ACAT1: variants seen among roughly 807,000 people sequenced by gnomAD.
ACAT1 encodes acetyl-CoA acetyltransferase, mitochondrial.
In ACAT1, 28 loss-of-function variants were observed where a neutral mutation model predicts 47.3. The observed-to-expected ratio is 0.59, with a 90% CI of 0.44 to 0.81. ACAT1 has a LOEUF of 0.81. Among genes scored for constraint, ACAT1 ranks in the 30% least tolerant of loss-of-function variants. ACAT1 has a pLI of 0.00. For synonymous variants in ACAT1, 181 were observed against 173.6 expected (o/e 1.04, Z -0.34); for missense variants, 469 against 524.3 (o/e 0.89, Z 1.03).
rs1442033328 is a variant in ACAT1, at chr11:108,131,939, A to G, written c.105A>G (p.Ser35=). ...GATATGTGGAACGGAGTTATGTATCAAAACCCACTTTGAAGGTAAGTAATT... is the reference window on the plus strand; with the variant it reads ...GATATGTGGAACGGAGTTATGTATCGAAACCCACTTTGAAGGTAAGTAATT... ...EIRYVERSYV[S]KPTLKEVVIV... Residue 35 remains serine, a synonymous_variant, in exon 2 of 12, where the codon TCA becomes TCG. Coordinates refer to ENST00000265838, the MANE Select transcript of ACAT1 (RefSeq NM_000019.4). The G allele has an allele frequency of 6.0e-6, 9 of 1,506,044 alleles. No homozygotes were observed. Among genetic ancestry groups the G allele is most frequent in the Non-Finnish European group, 7.4e-6 (8 of 1,087,670 alleles). 93.3% of individuals were successfully genotyped at this position (1,506,044 alleles called of 1,614,324 possible).
chr11:108,118,102 A>G (rs1325290672), upstream of ACAT1, among the ~76,000 whole-genome samples: 1 of 152,166 alleles, frequency 6.6e-6, no homozygotes, highest in African/African-American at 2.4e-5. Context: ...CCACAAATTC[A>G]GATATGCAAA....
At chr11:108,129,385 T>C (rs2077313917) in intron 1 of ACAT1, among the ~76,000 whole-genome samples, 2 of 152,298 alleles carry the variant, frequency 1.3e-5, no homozygotes, top group Middle Eastern at 3.4e-3. Context: ...ACTTTTTTTT[T>C]TGAGATGGAG....
At chr11:108,121,342 C>T, upstream of ACAT1, 1 of 571,464 alleles carries the variant, frequency 1.7e-6, no homozygotes, top group Non-Finnish European at 3.1e-6. Context: ...GACACGGGAG[C>T]CAGCAGCGTG....
intron 10 of ACAT1, among the ~76,000 whole-genome samples, chr11:108,144,939 T>C (rs2077674323): frequency 6.6e-6 from 1 of 152,236 alleles, no homozygotes; most frequent in South Asian, 2.1e-4. Flanking sequence ...GTACCATATT[T>C]TGTTTTGTGT....
At chr11:108,130,937 A>T (rs2077344886) in intron 1 of ACAT1, among the ~76,000 whole-genome samples, 1 of 151,968 alleles carries the variant, frequency 6.6e-6, no homozygotes, top group Non-Finnish European at 1.5e-5. Context: ...TTTAGTAGAG[A>T]CGGGGTTTTT....
intron 1 of ACAT1, among the ~76,000 whole-genome samples, chr11:108,130,862 G>A (rs1222862068): frequency 2.0e-5 from 3 of 152,180 alleles, no homozygotes; most frequent in Non-Finnish European, 4.4e-5. Flanking sequence ...CAATTCTTCT[G>A]CCTCATCCTC....
intron 5 of ACAT1, chr11:108,136,699 AATG>A (rs2077475502): frequency 6.6e-6 from 1 of 152,228 alleles, no homozygotes; most frequent in African/African-American, 2.4e-5. Context: ...TTTACTTTAT[AATG>A]AAGAATTGAT....
intron 11 of ACAT1, 38 bp from the exon 12 acceptor site, chr11:108,147,232 G>C (rs779451387): frequency 4.3e-6 from 7 of 1,610,034 alleles, no homozygotes; most frequent in Non-Finnish European, 5.1e-6. Context: ...CATAAATTCT[G>C]TACTTCATTA....
chr11:108,119,882 C>A (rs761341999), upstream of ACAT1, among the ~76,000 whole-genome samples: 1 of 152,002 alleles, frequency 6.6e-6, no homozygotes, highest in Non-Finnish European at 1.5e-5. Flanking sequence ...AAGGGACAAA[C>A]CTGGAGTGAT....
At chr11:108,145,617 TA>T (rs1176995248) in intron 10 of ACAT1, among the ~76,000 whole-genome samples, 1 of 152,162 alleles carries the variant, frequency 6.6e-6, no homozygotes, top group East Asian at 1.9e-4. Flanking sequence ...TATAAAGCAT[TA>T]TGTGCCCCTA....
chr11:108,144,679 C>G (rs1460930836), intron 10 of ACAT1, among the ~76,000 whole-genome samples: 1 of 124,330 alleles, frequency 8.0e-6, no homozygotes. Flanking sequence ...AAATCAGATT[C>G]TCCCCACTGC....
At chr11:108,144,195 G>T in intron 10 of ACAT1, 148 bp downstream of exon 10, 1 of 803,566 alleles carries the variant, frequency 1.2e-6, no homozygotes, top group Non-Finnish European at 2.0e-6. Context: ...CCTGAAAAGA[G>T]TAAGAGCAAC....
upstream of ACAT1, among the ~76,000 whole-genome samples, chr11:108,117,087 A>G (rs1434839358): frequency 6.6e-6 from 1 of 152,110 alleles, no homozygotes; most frequent in African/African-American, 2.4e-5. Context: ...TTTGAGGCAC[A>G]TGATAGACTA....
chr11:108,140,846 G>C (rs1239703822), intron 7 of ACAT1, among the ~76,000 whole-genome samples: 3 of 152,096 alleles, frequency 2.0e-5, no homozygotes, highest in African/African-American at 7.2e-5. Flanking sequence ...GTGTAGGTCA[G>C]ACAGCTGCCT....
chr11:108,135,463 C>T (rs963887823), intron 5 of ACAT1, among the ~76,000 whole-genome samples: 3 of 151,312 alleles, frequency 2.0e-5, no homozygotes, highest in Non-Finnish European at 2.9e-5. Context: ...TTTGGAAGGT[C>T]GAGGCAGGAG....
Position 108,140,112 on chromosome 11 carries a change from T to C in ACAT1, c.627T>C (p.Asn209=), listed in dbSNP as rs771160678. The C allele has an allele frequency of 6.8e-6, 11 of 1,614,028 alleles. No individual in the cohort carries two copies. Among genetic ancestry groups the C allele is most frequent in the Non-Finnish European group, 7.6e-6 (9 of 1,180,006 alleles). ...NTAKKLNIAR[N]EQDAYAINSY... is the part of the protein sequence containing the mutation. ...CAAAGAAGCTGAATATTGCACGAAA[T>C]GAACAGGACGCTTATGCTATTAATT... The change falls in exon 7 of 12, where the codon AAT becomes AAC. Residue 209 remains asparagine (N), a synonymous_variant. Transcript: ENST00000265838.
In ACAT1 at chr11:108,142,455, A is replaced by G. The variant is rs2077608777; in HGVS notation, c.845A>G (p.Asn282Ser). ...QKENGTVTAA[N>S]ASTLNDGAAA... ...CTTTCAGGCACAGTAACAGCTGCCA[A>G]TGCCAGTACACTGAATGATGGAGCA... The change falls in exon 9 of 12, where the codon AAT (asparagine) becomes AGT (serine). Residue 282 changes from asparagine to serine, a missense_variant. Transcript: ENST00000265838. 8 of 1,614,016 alleles carry G rather than the reference A, an allele frequency of 5.0e-6. No individual in the cohort carries two copies. Among genetic ancestry groups the G allele is most frequent in the Middle Eastern group, 1.6e-4 (1 of 6,084 alleles).
At chr11:108,121,324 A>G (rs1172024819), upstream of ACAT1, 25 of 559,514 alleles carry the variant, frequency 4.5e-5, no homozygotes, top group Non-Finnish European at 1.3e-5. Flanking sequence ...GGCAGGTTAG[A>G]CTTGGTGGAC....
rs1429772457 is a variant in ACAT1, at chr11:108,121,671, T to C, written c.65T>C (p.Leu22Pro). 3 of 1,548,566 alleles carry C rather than the reference T, an allele frequency of 1.9e-6. No individual in the cohort carries two copies. Among genetic ancestry groups the C allele is most frequent in the Non-Finnish European group, 2.6e-6 (3 of 1,146,868 alleles). ...AGCCGCAGCCCCCTGCTCCGGAGGC[T>C]GGTGCAGGTGAGCGGGGTTCGTCCC... is the stretch of plus-strand genomic sequence containing the variant. ...ARSRSPLLRRLVQEIRYVERS... is the reference protein window; with the variant it reads ...ARSRSPLLRRPVQEIRYVERS... Residue 22 changes from leucine (L) to proline (P), a missense_variant, in exon 1 of 12, where the codon CTG (leucine) becomes CCG (proline). By Grantham distance (98) the Leu-to-Pro change is moderately conservative (BLOSUM62 -3). Transcript: ENST00000265838.
Sources: gnomAD v4.1 joint callset for allele counts (sites outside exome capture counted in the v4.1 genomes callset) on GRCh38, gnomAD v4.1.1 for gene constraint, MANE v1.5 for transcripts, NCBI Gene and HGNC (gene_info 2026-07-23, HGNC 2026-07-21) for gene names.